Variants in IGF1R observed in about 807,000 individuals in gnomAD.
IGF1R encodes insulin-like growth factor 1 receptor.
IGF1R carries 44 observed loss-of-function variants against 144.6 expected under a neutral mutation model. The ratio of observed to expected loss-of-function variants is 0.30; its 90% CI spans 0.24 to 0.39. The LOEUF (loss-of-function observed/expected upper bound fraction) is 0.39. IGF1R is among the 10% of genes least tolerant of loss of function. The pLI, the probability that IGF1R is intolerant of heterozygous loss-of-function variation, is 1.00. For synonymous variants in IGF1R, 795 were observed against 722.8 expected (o/e 1.10, Z -1.60); for missense variants, 1,355 against 1,833.7 (o/e 0.74, Z 4.77).
At chr15:98,907,906 G>A (rs1307746280) in intron 5 of IGF1R, among the ~76,000 whole-genome samples, 1 of 152,264 alleles carries the variant, frequency 6.6e-6, no homozygotes, top group Non-Finnish European at 1.5e-5. Context: ...GACCACAGCA[G>A]GGGTCAGCAC....
chr15:98,752,612 GGCGGAGCTTGCAGTGA>G (rs1260381285), intron 2 of IGF1R, among the ~76,000 whole-genome samples: 2 of 152,066 alleles, frequency 1.3e-5, no homozygotes, highest in Non-Finnish European at 2.9e-5. Context: ...GAACCCGGGA[GGCGGAGCTTGCAGTGA>G]GCGGAGATTG....
intron 2 of IGF1R, among the ~76,000 whole-genome samples, chr15:98,839,522 A>G (rs951284911): frequency 6.6e-6 from 1 of 152,244 alleles, no homozygotes; most frequent in African/African-American, 2.4e-5. Context: ...CTCAGACTTC[A>G]CATTTTCATT....
intron 2 of IGF1R, among the ~76,000 whole-genome samples, chr15:98,845,881 G>T (rs1364126993): frequency 1.3e-5 from 2 of 152,092 alleles, no homozygotes; most frequent in Non-Finnish European, 2.9e-5. Context: ...TAAAATTTTT[G>T]TGCTATAAAA....
intron 2 of IGF1R, among the ~76,000 whole-genome samples, chr15:98,779,511 A>G (rs935461280): frequency 3.9e-4 from 60 of 152,372 alleles, no homozygotes; most frequent in African/African-American, 1.4e-3. Context: ...AAACAGCCTC[A>G]GAGGAGTTAA....
chr15:98,691,612 C>G (rs2053478787), intron 1 of IGF1R, among the ~76,000 whole-genome samples: 1 of 152,068 alleles, frequency 6.6e-6, no homozygotes, highest in African/African-American at 2.4e-5. Flanking sequence ...GATTGCCCAC[C>G]TCGGCCTCCC....
intron 2 of IGF1R, among the ~76,000 whole-genome samples, chr15:98,856,167 C>T (rs2011805296): frequency 6.6e-6 from 1 of 152,222 alleles, no homozygotes; most frequent in African/African-American, 2.4e-5. Flanking sequence ...GGGAGGCCTG[C>T]AGGGCAGGTG....
chr15:98,801,341 C>G (rs1232211154), intron 2 of IGF1R, among the ~76,000 whole-genome samples: 2 of 152,206 alleles, frequency 1.3e-5, no homozygotes, highest in Non-Finnish European at 2.9e-5. Flanking sequence ...AGCTGTGTGA[C>G]AATGCTGGTC....
intron 2 of IGF1R, among the ~76,000 whole-genome samples, chr15:98,729,059 A>G (rs8034039): frequency 0.94 from 143,464 of 152,294 alleles, 67,761 homozygotes; most frequent in Non-Finnish European, 0.98. Flanking sequence ...TGATACTATC[A>G]TAATTTTTAA....
At position 98,803,288 on chromosome 15, in the gene IGF1R, G is replaced by A. The variant is rs145567966; in HGVS notation, c.641-88037G>A. ...ACGCTGTAGGCAATGGTAACACAGT[G>A]GTAAGTATTTCTGAATCTAAGCATA... On this transcript the variant is annotated intron_variant, in intron 2 of 20. Coordinates refer to ENST00000650285, the MANE Select transcript of IGF1R (RefSeq NM_000875.5). 2.8e-3 allele frequency among the ~76,000 whole-genome samples: 423 copies of A among 152,162 alleles called. 3 individuals are homozygous for A. Among genetic ancestry groups the A allele is most frequent in the African/African-American group, 9.9e-3 (409 of 41,514 alleles).
chr15:98,882,967 T>A (rs1306984238), intron 2 of IGF1R, among the ~76,000 whole-genome samples: 1 of 152,232 alleles, frequency 6.6e-6, no homozygotes, highest in Non-Finnish European at 1.5e-5. Flanking sequence ...TGTGTGCTCC[T>A]GGGTGCACCC....
intron 2 of IGF1R, among the ~76,000 whole-genome samples, chr15:98,780,344 A>G (rs2055826886): frequency 6.6e-6 from 1 of 151,738 alleles, no homozygotes; most frequent in Non-Finnish European, 1.5e-5. Flanking sequence ...TGAGGTTGAG[A>G]GTTCAAGACC....
chr15:98,743,895 G>A (rs193252900), intron 2 of IGF1R, among the ~76,000 whole-genome samples: 2 of 152,136 alleles, frequency 1.3e-5, no homozygotes, highest in African/African-American at 4.8e-5. Context: ...TTGGGGGTGG[G>A]CTTGTGAGCA....
At chr15:98,819,086 T>G (rs918936033) in intron 2 of IGF1R, among the ~76,000 whole-genome samples, 1 of 152,040 alleles carries the variant, frequency 6.6e-6, no homozygotes, top group Non-Finnish European at 1.5e-5. Flanking sequence ...GAGCTCTGTC[T>G]TGCATCTCTC....
chr15:98,750,323 A>G (rs6598543), intron 2 of IGF1R, among the ~76,000 whole-genome samples: 93,962 of 151,964 alleles, frequency 0.62, 29,216 homozygotes, highest in Non-Finnish European at 0.64. Flanking sequence ...GTCACAGGCA[A>G]GGGGGCTGGC....
chr15:98,695,126 T>C (rs1314665170), intron 1 of IGF1R, among the ~76,000 whole-genome samples: 3 of 152,222 alleles, frequency 2.0e-5, no homozygotes, highest in Non-Finnish European at 4.4e-5. Flanking sequence ...TATTCTGCAG[T>C]ATAGTTAACT....
chr15:98,703,279 C>G lies in IGF1R; in HGVS notation c.95-4283C>G, dbSNP rs190030773. The stretch of plus-strand genomic sequence containing the variant: ...TATTTTGCATTTTCCTTTTAATCAT[C>G]GGTGAGTAGCCACAAAGGGTGTGTC... On this transcript the variant is annotated intron_variant, in intron 1 of 20. Coordinates refer to ENST00000650285, the MANE Select transcript of IGF1R (RefSeq NM_000875.5). 2.0e-3 allele frequency among the ~76,000 whole-genome samples: 304 copies of G among 152,280 alleles called. 1 individual carries two copies. Among genetic ancestry groups the G allele is most frequent in the South Asian group, 9.1e-3 (44 of 4,828 alleles).
intron 1 of IGF1R, among the ~76,000 whole-genome samples, chr15:98,676,605 T>G (rs1169268133): frequency 6.6e-6 from 1 of 152,118 alleles, no homozygotes; most frequent in Non-Finnish European, 1.5e-5. Context: ...CAGGTGAACT[T>G]TGTGTGTGTG....
At chr15:98,733,241 T>G (rs1362278118) in intron 2 of IGF1R, among the ~76,000 whole-genome samples, 1 of 152,112 alleles carries the variant, frequency 6.6e-6, no homozygotes, top group South Asian at 2.1e-4. Context: ...TTTGGGACAG[T>G]CTTGCTCTGT....
At position 98,948,712 on chromosome 15, in the gene IGF1R, C is replaced by T. The variant is rs745816688; in HGVS notation, c.3722+4C>T. The stretch of plus-strand genomic sequence containing the variant: ...CAGACAACTGTCCTGACATGCTGTA[C>T]GTACTTCCTGGGCCCTCCGTGCTCT... On this transcript the variant is annotated splice_donor_region_variant and intron_variant, in intron 20 of 20. Transcript: ENST00000650285. 1.7e-5 allele frequency: 28 copies of T among 1,613,880 alleles called. No homozygotes were observed. Among genetic ancestry groups the T allele is most frequent in the Admixed American group, 1.5e-4 (9 of 60,016 alleles).
Sources: gnomAD v4.1 joint callset for allele counts (sites outside exome capture counted in the v4.1 genomes callset) on GRCh38, gnomAD v4.1.1 for gene constraint, MANE v1.5 for transcripts, NCBI Gene and HGNC (gene_info 2026-07-23, HGNC 2026-07-21) for gene names.